GAS2: variants seen among roughly 807,000 people sequenced by gnomAD.
GAS2 encodes growth arrest-specific protein 2.
In GAS2, 20 loss-of-function variants were observed where a neutral mutation model predicts 37.5. The ratio of observed to expected loss-of-function variants is 0.53; its 90% CI spans 0.37 to 0.77. GAS2 has a LOEUF of 0.77. Among genes scored for constraint, GAS2 ranks in the 30% least tolerant of loss-of-function variants. GAS2 has a pLI of 0.00. For synonymous variants in GAS2, 144 were observed against 132.2 expected, an observed-to-expected ratio of 1.09 and a Z score of -0.61; for missense variants, 336 against 373.4, an observed-to-expected ratio of 0.90 and a Z score of 0.82.
In GAS2 at chr11:22,652,965, G is replaced by GTCTT. The variant is rs1324426959; in HGVS notation, c.-20-21875_-20-21872dup. On this transcript the variant is annotated intron_variant, in intron 1 of 5. Transcript: ENST00000528582. Reference sequence around the variant, plus strand: ...TCCTCCACAACCTCTTTCTTTCTTTGTCTTTCTTTCTTTGTCTTTCTTTCT... The same window carrying GTCTT: ...TCCTCCACAACCTCTTTCTTTCTTTGTCTTTCTTTCTTTCTTTGTCTTTCTTTCT... Among the ~76,000 whole-genome samples, 316 of 150,140 alleles carry GTCTT rather than the reference G, an allele frequency of 2.1e-3. 1 individual carries two copies. The highest frequency in any genetic ancestry group is 3.6e-3 in the Non-Finnish European group (240 of 67,480).
chr11:22,739,572 CAAAAAAA>C (rs71037525), intron 5 of GAS2, among the ~76,000 whole-genome samples: 15 of 64,650 alleles, frequency 2.3e-4, no homozygotes, highest in South Asian at 8.1e-4. Flanking sequence ...GATTCGCTCT[CAAAAAAA>C]AAAAAAAAAA....
intron 7 of GAS2, among the ~76,000 whole-genome samples, chr11:22,760,137 ATTT>A (rs76734031): frequency 6.9e-6 from 1 of 144,216 alleles, no homozygotes; most frequent in African/African-American, 2.5e-5. Context: ...TTAATTTTTA[ATTT>A]TTTTTTTTTT....
intron 7 of GAS2, among the ~76,000 whole-genome samples, chr11:22,785,891 A>AG (rs1186503666): frequency 6.6e-6 from 1 of 152,164 alleles, no homozygotes; most frequent in Non-Finnish European, 1.5e-5. Flanking sequence ...TGGCACATTC[A>AG]GAAATTACCT....
intron 3 of GAS2, among the ~76,000 whole-genome samples, chr11:22,715,280 T>G (rs1281011247): frequency 1.3e-5 from 2 of 151,500 alleles, no homozygotes; most frequent in African/African-American, 4.8e-5. Context: ...AACAACATTT[T>G]GAAACCCTGT....
At chr11:22,735,079 CACCACCACATA>C (rs1852676955) in intron 4 of GAS2, among the ~76,000 whole-genome samples, 1 of 151,626 alleles carries the variant, frequency 6.6e-6, no homozygotes, top group Non-Finnish European at 1.5e-5. Flanking sequence ...CCCCTATCAC[CACCACCACATA>C]ACCACATAAC....
intron 6 of GAS2, among the ~76,000 whole-genome samples, chr11:22,750,694 T>C (rs1364201964): frequency 6.6e-6 from 1 of 152,086 alleles, no homozygotes; most frequent in Non-Finnish European, 1.5e-5. Flanking sequence ...ATTGTTTATA[T>C]ATTGATGAGA....
chr11:22,672,717 G>A (rs550965120), intron 1 of GAS2: 1 of 152,204 alleles, frequency 6.6e-6, no homozygotes, highest in African/African-American at 2.4e-5. Context: ...TATGAATCAT[G>A]TGCTTATATG....
At chr11:22,669,940 T>C (rs1849135261) in intron 1 of GAS2, among the ~76,000 whole-genome samples, 1 of 152,146 alleles carries the variant, frequency 6.6e-6, no homozygotes, top group East Asian at 1.9e-4. Context: ...AAAATGTATA[T>C]TTTGTGAGAT....
At position 22,674,916 on chromosome 11, in the gene GAS2, CTGATA is replaced by C; in HGVS notation, c.50_54del (p.Asp17AlafsTer4). Reference sequence around the variant, plus strand: ...AAGGTACGCAGTGGACCTGGCCTCTCTGATATGCATCAGTATAGCCAATGGCTAGC... The same window carrying C: ...AAGGTACGCAGTGGACCTGGCCTCTCTGCATCAGTATAGCCAATGGCTAGC... On this transcript the variant is annotated frameshift_variant, in exon 2 of 8. Coordinates refer to ENST00000454584, the MANE Select transcript of GAS2 (RefSeq NM_001143830.3). LOFTEE classifies it high-confidence loss of function. 1 of 1,613,710 alleles carries C rather than the reference CTGATA, an allele frequency of 6.2e-7. No individual in the cohort carries two copies. Among genetic ancestry groups the C allele is most frequent in the Non-Finnish European group, 8.5e-7 (1 of 1,179,770 alleles).
In GAS2 at chr11:22,726,283, A is replaced by G; in HGVS notation, c.268-9A>G. ...GATTTCTCCTAGAACGAATTTCTTTATTTTTCAGAATCTACCGTTGAAGAA... is the reference window on the plus strand; with the variant it reads ...GATTTCTCCTAGAACGAATTTCTTTGTTTTTCAGAATCTACCGTTGAAGAA... On this transcript the variant is annotated splice_polypyrimidine_tract_variant and intron_variant, in intron 3 of 7. Transcript: ENST00000454584. 2 of 1,583,836 alleles carry G rather than the reference A, an allele frequency of 1.3e-6. No individual in the cohort carries two copies. Among genetic ancestry groups the G allele is most frequent in the Non-Finnish European group, 1.7e-6 (2 of 1,172,386 alleles).
chr11:22,733,397 T>C (rs1852582309), intron 4 of GAS2, among the ~76,000 whole-genome samples: 1 of 151,774 alleles, frequency 6.6e-6, no homozygotes, highest in African/African-American at 2.4e-5. Context: ...AATAAAAGGC[T>C]AAAAAGCTAT....
At chr11:22,688,837 C>A (rs337473) in intron 3 of GAS2, among the ~76,000 whole-genome samples, 58,895 of 151,892 alleles carry the variant, frequency 0.39, 12,079 homozygotes, top group African/African-American at 0.53. Flanking sequence ...GTCACATGCA[C>A]CTGTATGTTC....
chr11:22,660,716 T>C (rs924011072), intron 1 of GAS2, among the ~76,000 whole-genome samples: 1 of 152,214 alleles, frequency 6.6e-6, no homozygotes, highest in African/African-American at 2.4e-5. Flanking sequence ...TCTGTGGGGA[T>C]GATGGCTGGC....
chr11:22,666,299 A>G (rs1440507996), upstream of GAS2, among the ~76,000 whole-genome samples: 2 of 152,256 alleles, frequency 1.3e-5, no homozygotes, highest in African/African-American at 4.8e-5. Flanking sequence ...TCAATTTGGA[A>G]TGAAGAGTGG....
intron 1 of GAS2, chr11:22,672,590 G>A (rs985085686): frequency 1.3e-5 from 2 of 152,160 alleles, no homozygotes; most frequent in African/African-American, 4.8e-5. Flanking sequence ...TAGGGTGTAG[G>A]TAAAGTTACT....
At chr11:22,666,218 C>T (rs1454223388), upstream of GAS2, among the ~76,000 whole-genome samples, 1 of 152,172 alleles carries the variant, frequency 6.6e-6, no homozygotes, top group African/African-American at 2.4e-5. Context: ...TTTGGTAAAG[C>T]AAAAACAGCC....
chr11:22,716,274 A>G (rs979387912), intron 3 of GAS2, among the ~76,000 whole-genome samples: 3 of 152,162 alleles, frequency 2.0e-5, no homozygotes, highest in African/African-American at 7.2e-5. Flanking sequence ...GAACAAGACA[A>G]GGATGCCCAC....
At chr11:22,670,450 T>C (rs1849155123) in intron 1 of GAS2, among the ~76,000 whole-genome samples, 1 of 152,170 alleles carries the variant, frequency 6.6e-6, no homozygotes, top group African/African-American at 2.4e-5. Flanking sequence ...TTATCTACTG[T>C]ATCATTAATA....
intron 3 of GAS2, among the ~76,000 whole-genome samples, chr11:22,686,420 A>G (rs961106901): frequency 6.6e-6 from 1 of 151,900 alleles, no homozygotes; most frequent in Non-Finnish European, 1.5e-5. Flanking sequence ...TATAAAAAAT[A>G]TTAAAATAAT....
Sources: allele counts gnomAD v4.1 joint callset (sites outside exome capture counted in the v4.1 genomes callset), GRCh38; gene constraint gnomAD v4.1.1; transcripts MANE v1.5; gene names NCBI Gene and HGNC (gene_info 2026-07-23, HGNC 2026-07-21).